The following GRIP2 variants were observed in gnomAD, a reference collection of about 807,000 sequenced individuals.
The protein encoded by GRIP2 is glutamate receptor interacting protein 2, also known as glutamate receptor-interacting protein 2.
In GRIP2, 58 loss-of-function variants were observed where a neutral mutation model predicts 108.3. The ratio of observed to expected loss-of-function variants is 0.54; its 90% CI spans 0.43 to 0.67. The LOEUF is 0.67. Ranked by LOEUF, GRIP2 falls within the 30% of genes least tolerant of loss-of-function variation. The pLI is 0.00. For missense variants in GRIP2, 1,278 were observed against 1,430.6 expected (o/e 0.89, Z 1.72); for synonymous variants, 586 against 598.2 (o/e 0.98, Z 0.30).
the GRIP2 span, among the ~76,000 whole-genome samples, chr3:14,602,615 G>C: frequency 6.6e-6 from 1 of 151,532 alleles, no homozygotes; most frequent in Non-Finnish European, 1.5e-5. The surrounding 1 kb of genome is among the most constrained non-coding windows in gnomAD (Gnocchi z 4.7). Context: ...GCCCCCTCGA[G>C]GGCTCAGACC....
Position 14,489,693 on chromosome 3 carries a change from A to T in GRIP2, c.*3972T>A, listed in dbSNP as rs1156489595. 1.3e-5 allele frequency: 2 copies of T among 152,398 alleles called. No homozygotes were observed. The highest frequency in any genetic ancestry group is 2.9e-5 in the Non-Finnish European group (2 of 68,200). 9.4% of individuals were successfully genotyped at this position (152,398 alleles called of 1,614,324 possible). A position where few individuals can be genotyped will look rare whatever the true frequency, so the allele number is the denominator to read the frequency against. On this transcript the variant is annotated 3_prime_UTR_variant, in exon 24 of 24. Transcript: ENST00000621039. ...CCATCTGGAATAAACCATTGTCCCCATCAAGGCCACCAGGATGATTGGAGG... is the reference window on the plus strand; with the variant it reads ...CCATCTGGAATAAACCATTGTCCCCTTCAAGGCCACCAGGATGATTGGAGG...
chr3:14,547,802 G>A (rs1695080465), intron 1 of GRIP2, among the ~76,000 whole-genome samples: 1 of 152,152 alleles, frequency 6.6e-6, no homozygotes, highest in South Asian at 2.1e-4. Flanking sequence ...TCAGCTCCAG[G>A]AAAAAGCAGC....
Position 14,493,778 on chromosome 3 carries a change from G to A in GRIP2, c.3019C>T (p.Leu1007Phe). 6.2e-7 allele frequency: 1 copy of A among 1,613,536 alleles called. No homozygotes were observed. Among genetic ancestry groups the A allele is most frequent in the Non-Finnish European group, 8.5e-7 (1 of 1,179,712 alleles). ...AAGACATCACCCGCCTCGGCCAGGA[G>A]TGGCACCGCCAGGCAGCAGTCGAAG... Reference protein sequence around the residue: ...RDFDCCLAVPLLAEAGDVLEL... With the variant: ...RDFDCCLAVPFLAEAGDVLEL... The change falls in exon 24 of 24, where the codon CTC (leucine) becomes TTC (phenylalanine). Residue 1007 changes from leucine (L) to phenylalanine (F), a missense_variant. Leu to Phe is a conservative substitution (Grantham distance 22, BLOSUM62 0). Transcript: ENST00000621039.
At chr3:14,494,819 A>G in intron 23 of GRIP2, 24 bp downstream of exon 23, 1 of 1,604,160 alleles carries the variant, frequency 6.2e-7, no homozygotes, top group Non-Finnish European at 8.5e-7. Context: ...CACCCCCACT[A>G]TGGAGCCCCT....
the GRIP2 span, among the ~76,000 whole-genome samples, chr3:14,569,684 C>G: frequency 6.6e-6 from 1 of 152,182 alleles, no homozygotes; most frequent in Non-Finnish European, 1.5e-5. Flanking sequence ...GCTTCCTCCA[C>G]CACCCCCCTC....
the GRIP2 span, among the ~76,000 whole-genome samples, chr3:14,592,147 C>T: frequency 1.3e-5 from 2 of 152,232 alleles, no homozygotes; most frequent in Non-Finnish European, 2.9e-5. Context: ...GCATCTCTGC[C>T]CCCTCCACAC....
chr3:14,601,064 T>TCACACACA, the GRIP2 span, among the ~76,000 whole-genome samples: 29 of 145,542 alleles, frequency 2.0e-4, no homozygotes, highest in African/African-American at 7.3e-4. Flanking sequence ...CATCTCTCTC[T>TCACACACA]CTCACACACA....
the GRIP2 span, among the ~76,000 whole-genome samples, chr3:14,594,033 C>T: frequency 1.2e-4 from 18 of 152,352 alleles, no homozygotes; most frequent in African/African-American, 4.1e-4. Flanking sequence ...TGCTGCCTCC[C>T]TGTGACTCCT....
intron 1 of GRIP2, among the ~76,000 whole-genome samples, chr3:14,538,846 C>A (rs1305862176): frequency 1.3e-5 from 2 of 152,200 alleles, no homozygotes; most frequent in African/African-American, 4.8e-5. Flanking sequence ...GGCAAAGGCC[C>A]AGGCAGTTGA....
chr3:14,547,300 T>C (rs373939118), intron 1 of GRIP2, among the ~76,000 whole-genome samples: 2 of 152,214 alleles, frequency 1.3e-5, no homozygotes, highest in African/African-American at 4.8e-5. Flanking sequence ...GCACTATCTA[T>C]GCTGCAAGGG....
the GRIP2 span, among the ~76,000 whole-genome samples, chr3:14,561,718 T>C: frequency 2.0e-5 from 3 of 152,246 alleles, no homozygotes; most frequent in Admixed American, 2.0e-4. Context: ...CCTTTAATCT[T>C]CTCAGCCTTT....
At chr3:14,524,799 C>T (rs904742372) in intron 3 of GRIP2, among the ~76,000 whole-genome samples, 7 of 152,210 alleles carry the variant, frequency 4.6e-5, no homozygotes, top group African/African-American at 1.7e-4. Context: ...TCAGACGAGC[C>T]TGCAGAGTGA....
rs202112186 is a variant in GRIP2 at position 14,496,573 on chromosome 3, C to T, written c.2680-13G>A. On this transcript the variant is annotated splice_polypyrimidine_tract_variant and intron_variant, in intron 21 of 23. Transcript: ENST00000621039. ...TCATGATGGATGCCTGCAAGGAACA[C>T]GGCCTTTCTTTCAGATGCTTGTTGG... The T allele has an allele frequency of 5.4e-3, 8,594 of 1,589,054 alleles. 383 individuals carry two copies. The African/African-American group carries it at 0.1, about 19-fold the overall frequency.
the GRIP2 span, among the ~76,000 whole-genome samples, chr3:14,594,899 C>T: frequency 7.1e-6 from 1 of 141,044 alleles, no homozygotes; most frequent in Non-Finnish European, 1.6e-5. Flanking sequence ...TAATGGTTAG[C>T]TGTTATTATT....
chr3:14,505,625 G>C lies in GRIP2; in HGVS notation c.2563C>G (p.Pro855Ala). ...PEEEEEDDWEPPTSPAPGPAR... is the reference protein window; with the variant it reads ...PEEEEEDDWEAPTSPAPGPAR... The stretch of plus-strand genomic sequence containing the variant: ...GCTCCCACCACAGACCTCGTTGGCG[G>C]CTCCCAATCATCCTCCTCCTCCTCC... The change falls in exon 20 of 24, where the codon CCG becomes GCG. Residue 855 changes from proline to alanine, a missense_variant. Coordinates refer to ENST00000621039, the MANE Select transcript of GRIP2 (RefSeq NM_001080423.4). The surrounding 1 kb of genome is among the most constrained non-coding windows in gnomAD (Gnocchi z 4.2). The C allele has an allele frequency of 6.2e-7, 1 of 1,609,986 alleles. No individual in the cohort carries two copies. The highest frequency in any genetic ancestry group is 8.5e-7 in the Non-Finnish European group (1 of 1,178,210).
chr3:14,523,250 T>C (rs1470473375), intron 5 of GRIP2, 175 bp from the exon 6 acceptor site: 1 of 605,488 alleles, frequency 1.7e-6, no homozygotes, highest in African/African-American at 1.9e-5. Flanking sequence ...CAAGAGATGG[T>C]GCAAGGGGTG....
chr3:14,496,626 C>T, intron 21 of GRIP2, 66 bp from the exon 22 acceptor site: 1 of 1,540,722 alleles, frequency 6.5e-7, no homozygotes, highest in Non-Finnish European at 8.8e-7. Context: ...TCAGCATCCA[C>T]TGACAACTAC....
At chr3:14,573,765 T>A in the GRIP2 span, 1 of 1,539,402 alleles carries the variant, frequency 6.5e-7, no homozygotes, top group Non-Finnish European at 9.0e-7. Context: ...TACCCTGGGA[T>A]CCTGGTGGCA....
chr3:14,536,882 C>T (rs1403481006), intron 1 of GRIP2, among the ~76,000 whole-genome samples: 1 of 152,324 alleles, frequency 6.6e-6, no homozygotes, highest in South Asian at 2.1e-4. Context: ...TGTCAGTCCC[C>T]GGTCCCCTGA....
Sources: gnomAD v4.1 joint callset for allele counts (sites outside exome capture counted in the v4.1 genomes callset) on GRCh38, gnomAD v4.1.1 for gene constraint, Gnocchi (gnomAD v3.1) non-coding constraint, MANE v1.5 for transcripts, NCBI Gene and HGNC (gene_info 2026-07-23, HGNC 2026-07-21) for gene names.